Variants in NF1 observed in about 807,000 individuals in gnomAD.
NF1 encodes neurofibromin 1.
A neutral mutation model predicts 325.7 loss-of-function variants in NF1; 122 were observed. That is an observed-to-expected ratio of 0.37 (90% confidence interval 0.32 to 0.44). The LOEUF is 0.44. NF1 is among the 20% of genes least tolerant of loss of function. The pLI is 1.00. For missense variants in NF1, 2,140 were observed against 3,415.4 expected, an observed-to-expected ratio of 0.63 and a Z score of 9.31; for synonymous variants, 1,091 against 1,186.0, an observed-to-expected ratio of 0.92 and a Z score of 1.65.
chr17:31,245,733 CTA>C (rs1351585440), intron 29 of NF1, among the ~76,000 whole-genome samples: 2 of 152,198 alleles, frequency 1.3e-5, no homozygotes, highest in Non-Finnish European at 2.9e-5. Context: ...CCAGGCACCT[CTA>C]TGTGTTCGGC....
At chr17:31,131,887 T>C (rs1169349913) in intron 1 of NF1, among the ~76,000 whole-genome samples, 1 of 152,148 alleles carries the variant, frequency 6.6e-6, no homozygotes, top group Non-Finnish European at 1.5e-5. Flanking sequence ...TCACCCCTAA[T>C]GTTTATTTCT....
At chr17:31,340,674 G>A (rs2151562170) in intron 47 of NF1, 29 bp downstream of exon 47, 2 of 1,610,712 alleles carry the variant, frequency 1.2e-6, no homozygotes, top group Non-Finnish European at 1.7e-6. Context: ...GAGGTTCCTA[G>A]ATTACTCAAA....
chr17:31,323,049 C>T (rs1187696674), intron 36 of NF1, among the ~76,000 whole-genome samples: 1 of 152,096 alleles, frequency 6.6e-6, no homozygotes, highest in African/African-American at 2.4e-5. Flanking sequence ...CTAATACATA[C>T]AACAATGATT....
intron 24 of NF1, 68 bp downstream of exon 24, chr17:31,230,993 C>T (rs2067104646): frequency 3.4e-6 from 4 of 1,168,822 alleles, no homozygotes; most frequent in African/African-American, 1.5e-5. Flanking sequence ...TTAATTACAG[C>T]TTTATACTTG....
At chr17:31,334,383 C>T (rs752569201) in intron 39 of NF1, among the ~76,000 whole-genome samples, 4 of 151,866 alleles carry the variant, frequency 2.6e-5, no homozygotes, top group South Asian at 4.1e-4. Context: ...CCCGTTTTTG[C>T]GGGGGAGTGG....
intron 54 of NF1, 82 bp downstream of exon 54, chr17:31,357,451 A>G: frequency 9.6e-7 from 1 of 1,045,592 alleles, no homozygotes; most frequent in Non-Finnish European, 1.5e-6. Flanking sequence ...CACTGGTTGC[A>G]AAGAGGGCAA....
At chr17:31,302,048 T>C (rs1335390085) in intron 36 of NF1, among the ~76,000 whole-genome samples, 1 of 152,214 alleles carries the variant, frequency 6.6e-6, no homozygotes. Flanking sequence ...TGCCACTGTT[T>C]GGCTGCTCAG....
intron 53 of NF1, 23 bp downstream of exon 53, chr17:31,357,113 T>C: frequency 6.2e-7 from 1 of 1,612,334 alleles, no homozygotes; most frequent in Non-Finnish European, 8.5e-7. Context: ...CCTTTTTGAG[T>C]CCCCCACCCT....
intron 4 of NF1, among the ~76,000 whole-genome samples, chr17:31,163,985 G>A (rs1210861750): frequency 2.0e-5 from 3 of 152,216 alleles, no homozygotes; most frequent in Non-Finnish European, 4.4e-5. Context: ...CATTTTAAAT[G>A]TATGTAAAAT....
chr17:31,155,112 C>T (rs181527739), intron 1 of NF1, among the ~76,000 whole-genome samples: 137 of 152,226 alleles, frequency 9.0e-4, no homozygotes, highest in Non-Finnish European at 1.6e-3. Flanking sequence ...TCTCTTTCCA[C>T]CTTTAGTTGT....
chr17:31,200,951 G>A, intron 9 of NF1, 86 bp from the exon 10 acceptor site: 2 of 1,572,190 alleles, frequency 1.3e-6, no homozygotes, highest in Non-Finnish European at 1.7e-6. Flanking sequence ...CATTTGTGTG[G>A]GTAATGTGTT....
intron 36 of NF1, among the ~76,000 whole-genome samples, chr17:31,283,558 G>T (rs2068166620): frequency 6.6e-6 from 1 of 152,108 alleles, no homozygotes. Context: ...GGGCTCAAGT[G>T]ATCCTTCCAG....
chr17:31,311,386 C>T (rs964314349), intron 36 of NF1, among the ~76,000 whole-genome samples: 3 of 152,092 alleles, frequency 2.0e-5, no homozygotes, highest in Non-Finnish European at 4.4e-5. Context: ...AGAGCATATC[C>T]TAGACAAAAG....
At chr17:31,250,192 A>C (rs1054869752) in intron 30 of NF1, 6 of 327,438 alleles carry the variant, frequency 1.8e-5, no homozygotes, top group Non-Finnish European at 3.0e-5. Flanking sequence ...TTCTGCCTTT[A>C]CAAAAAGGCT....
chr17:31,188,497 T>C (rs577696317), intron 8 of NF1, among the ~76,000 whole-genome samples: 1 of 152,250 alleles, frequency 6.6e-6, no homozygotes, highest in South Asian at 2.1e-4. Flanking sequence ...GGCATAATTA[T>C]GACTTTATTG....
chr17:31,098,248 A>G (rs1911949513), intron 1 of NF1, among the ~76,000 whole-genome samples: 2 of 151,908 alleles, frequency 1.3e-5, no homozygotes, highest in Non-Finnish European at 2.9e-5. Flanking sequence ...AGTGACATAG[A>G]TCTAATAAGA....
chr17:31,231,471 A>C (rs2067111360), intron 24 of NF1, among the ~76,000 whole-genome samples: 1 of 152,182 alleles, frequency 6.6e-6, no homozygotes, highest in Non-Finnish European at 1.5e-5. Flanking sequence ...GATTGGTTCC[A>C]AGAACCACTC....
At chr17:31,147,214 GTCC>G (rs1916639585) in intron 1 of NF1, among the ~76,000 whole-genome samples, 1 of 152,176 alleles carries the variant, frequency 6.6e-6, no homozygotes, top group African/African-American at 2.4e-5. Flanking sequence ...GAATCTAGGA[GTCC>G]TCCTCGTGTT....
intron 53 of NF1, 76 bp downstream of exon 53, chr17:31,357,166 TA>T: frequency 6.3e-7 from 1 of 1,599,518 alleles, no homozygotes. Context: ...CCTTAAATAT[TA>T]AAAACATGAA....
Sources: gnomAD v4.1 joint callset for allele counts (sites outside exome capture counted in the v4.1 genomes callset) on GRCh38, gnomAD v4.1.1 for gene constraint, MANE v1.5 for transcripts, NCBI Gene and HGNC (gene_info 2026-07-23, HGNC 2026-07-21) for gene names.